The following DMD variants were observed in gnomAD, a reference collection of about 807,000 sequenced individuals.
DMD encodes the protein mutant dystrophin.
DMD carries 63 observed loss-of-function variants against 330.1 expected under a neutral mutation model. That is an observed-to-expected ratio of 0.19 (90% confidence interval 0.16 to 0.24). DMD has a LOEUF of 0.24. Ranked by LOEUF, DMD falls within the 10% of genes least tolerant of loss-of-function variation. DMD has a pLI of 1.00. For missense variants in DMD, 3,344 were observed against 2,684.1 expected, an observed-to-expected ratio of 1.25 and a Z score of -5.43; for synonymous variants, 1,223 against 959.8, an observed-to-expected ratio of 1.27 and a Z score of -5.07.
intron 1 of DMD, among the ~76,000 whole-genome samples, chrX:33,081,642 T>C (rs1462300356): frequency 8.9e-6 from 1 of 112,118 alleles, no homozygotes; most frequent in Non-Finnish European, 1.9e-5. Flanking sequence ...CATTTTGTAA[T>C]CAGCCCGTCC....
chrX:32,858,577 C>T (rs773407025), intron 2 of DMD, among the ~76,000 whole-genome samples: 7 of 111,673 alleles, frequency 6.3e-5, no homozygotes, highest in Non-Finnish European at 1.3e-4. Context: ...ATCCGCCTCC[C>T]TCAGCTTCCC....
At chrX:31,285,321 A>G (rs2053115817) in intron 62 of DMD, among the ~76,000 whole-genome samples, 1 of 112,442 alleles carries the variant, frequency 8.9e-6, no homozygotes, top group Admixed American at 9.4e-5. Context: ...TACCATATTT[A>G]GGCTGTTAGG....
At chrX:32,302,863 G>A (rs182014941) in intron 42 of DMD, among the ~76,000 whole-genome samples, 11 of 110,791 alleles carry the variant, frequency 9.9e-5, no homozygotes, top group Non-Finnish European at 1.1e-4. Flanking sequence ...TAATTTCAAC[G>A]TTAAAAAACA....
At chrX:32,777,979 C>A (rs1443674780) in intron 7 of DMD, among the ~76,000 whole-genome samples, 3 of 111,866 alleles carry the variant, frequency 2.7e-5, no homozygotes, top group Admixed American at 9.5e-5. Flanking sequence ...AAGAAGCAAT[C>A]CCAGCAAGAA....
At chrX:31,308,393 A>G (rs1395174893) in intron 62 of DMD, among the ~76,000 whole-genome samples, 3 of 111,672 alleles carry the variant, frequency 2.7e-5, no homozygotes, top group Non-Finnish European at 5.6e-5. Flanking sequence ...TAGCCAGGCA[A>G]TCAACCCCAT....
At chrX:31,371,143 G>C (rs183411802) in intron 60 of DMD, among the ~76,000 whole-genome samples, 2 of 111,080 alleles carry the variant, frequency 1.8e-5, no homozygotes, top group Admixed American at 9.6e-5. Context: ...CATTGAACTA[G>C]AGTTTTGCAG....
chrX:31,827,356 C>A (rs765181459), intron 49 of DMD, among the ~76,000 whole-genome samples: 2 of 111,775 alleles, frequency 1.8e-5, no homozygotes, highest in East Asian at 2.8e-4. Flanking sequence ...AAGGATTAGT[C>A]CAACAAGAAG....
chrX:32,350,969 C>A (rs1176420073), intron 37 of DMD, among the ~76,000 whole-genome samples: 1 of 110,754 alleles, frequency 9.0e-6, no homozygotes, highest in Non-Finnish European at 1.9e-5. Context: ...TGAATCTGGG[C>A]TCTACCATTT....
intron 41 of DMD, among the ~76,000 whole-genome samples, chrX:32,338,899 T>C (rs753545236): frequency 1.8e-5 from 2 of 112,105 alleles, no homozygotes; most frequent in South Asian, 7.3e-4. Context: ...AGTATCTGCT[T>C]ATATATTATA....
chrX:33,129,524 C>CA lies in DMD; in HGVS notation c.31+81757dup, dbSNP rs59729782. Among the ~76,000 whole-genome samples, 452 of 101,498 alleles carry CA rather than the reference C, an allele frequency of 4.5e-3. 3 individuals are homozygous for CA. The highest frequency in any genetic ancestry group is 0.015 in the African/African-American group (425 of 27,627). 88.1% of individuals were successfully genotyped at this position (101,498 alleles called of 115,157 possible). A position where few individuals can be genotyped will look rare whatever the true frequency, so the allele number is the denominator to read the frequency against. On this transcript the variant is annotated intron_variant, in intron 1 of 78. Coordinates refer to ENST00000357033, the MANE Select transcript of DMD (RefSeq NM_004006.3). ...AGCCACAATTTTACAAGGTTTCAAA[C>CA]AAAAAAAAAAACCCACACCTTGTTT...
chrX:32,430,684 G>A (rs1014033920), intron 29 of DMD, among the ~76,000 whole-genome samples: 8 of 111,307 alleles, frequency 7.2e-5, no homozygotes, highest in Non-Finnish European at 1.3e-4. Context: ...CCTAAACATT[G>A]TACCCTTTTA....
chrX:31,663,562 T>C, intron 53 of DMD, among the ~76,000 whole-genome samples: 1 of 111,736 alleles, frequency 8.9e-6, no homozygotes, highest in African/African-American at 3.2e-5. Flanking sequence ...AACATACATT[T>C]CATGAAATAT....
intron 44 of DMD, among the ~76,000 whole-genome samples, chrX:31,977,676 C>G (rs775980015): frequency 3.7e-5 from 4 of 109,408 alleles, no homozygotes; most frequent in Non-Finnish European, 5.7e-5. Flanking sequence ...TGTTTTCCAA[C>G]TCATTATCTG....
intron 12 of DMD, among the ~76,000 whole-genome samples, chrX:32,603,518 A>T (rs376628067): frequency 9.0e-6 from 1 of 111,480 alleles, no homozygotes; most frequent in South Asian, 3.7e-4. Context: ...TGATCAGAGC[A>T]GAACTAAATG....
chrX:32,008,530 C>T (rs12834606), intron 44 of DMD, among the ~76,000 whole-genome samples: 3 of 111,881 alleles, frequency 2.7e-5, no homozygotes, highest in African/African-American at 9.7e-5. Context: ...CTTTGCCATT[C>T]TCTTGTATTC....
At chrX:31,726,874 G>A (rs2086096385) in intron 52 of DMD, among the ~76,000 whole-genome samples, 7 of 111,640 alleles carry the variant, frequency 6.3e-5, no homozygotes, top group Admixed American at 5.7e-4. Flanking sequence ...CCACTAGGCT[G>A]CAAATATTCA....
intron 55 of DMD, among the ~76,000 whole-genome samples, chrX:31,512,925 C>A (rs2071780388): frequency 1.8e-5 from 2 of 108,284 alleles, no homozygotes; most frequent in Admixed American, 2.0e-4. Flanking sequence ...TCACCTTGGG[C>A]AGTATGGCCA....
chrX:32,197,997 T>TA (rs932840103), intron 44 of DMD, among the ~76,000 whole-genome samples: 1 of 111,857 alleles, frequency 8.9e-6, no homozygotes, highest in Non-Finnish European at 1.9e-5. Flanking sequence ...CCTTTGATTT[T>TA]AAAAAAGGCG....
chrX:32,759,198 A>G lies in DMD; in HGVS notation c.649+50295T>C, dbSNP rs181486015. On this transcript the variant is annotated intron_variant, in intron 7 of 78. Transcript: ENST00000357033. Reference sequence around the variant, plus strand: ...AATTTTACTTCAGACCTATTGAACTATTTTGGTCAGTCCTGACTCTCAAGT... The same window carrying G: ...AATTTTACTTCAGACCTATTGAACTGTTTTGGTCAGTCCTGACTCTCAAGT... 2.7e-5 allele frequency among the ~76,000 whole-genome samples: 3 copies of G among 111,915 alleles called. No homozygotes were observed. The East Asian group carries it at 8.5e-4, about 32-fold the overall frequency.
Sources: gnomAD v4.1 joint callset for allele counts (sites outside exome capture counted in the v4.1 genomes callset) on GRCh38, gnomAD v4.1.1 for gene constraint, MANE v1.5 for transcripts, NCBI Gene and HGNC (gene_info 2026-07-23, HGNC 2026-07-21) for gene names.